Variants in FAM149A observed in about 807,000 individuals in gnomAD.
FAM149A encodes family with sequence similarity 149 member A.
Under a neutral mutation model 78.2 loss-of-function variants are expected in FAM149A, and 71 were observed. The observed-to-expected ratio is 0.91, with a 90% CI of 0.75 to 1.11. The LOEUF (loss-of-function observed/expected upper bound fraction) is 1.11, where lower values mean the gene tolerates loss of function less well. FAM149A is among the 50% of genes least tolerant of loss of function. The pLI, the probability that FAM149A is intolerant of heterozygous loss-of-function variation, is 0.00. For synonymous variants in FAM149A, 446 were observed against 410.5 expected, an observed-to-expected ratio of 1.09 and a Z score of -1.04; for missense variants, 1,036 against 971.0, an observed-to-expected ratio of 1.07 and a Z score of -0.89.
At chr4:186,170,027 G>C (rs1487700567) in intron 13 of FAM149A, 1 of 775,082 alleles carries the variant, frequency 1.3e-6, no homozygotes, top group African/African-American at 1.9e-5. Context: ...TTGGGGAGTG[G>C]GAAGGGTATG....
chr4:186,138,247 G>T (rs549996098), intron 1 of FAM149A, among the ~76,000 whole-genome samples: 1 of 151,460 alleles, frequency 6.6e-6, no homozygotes, highest in Non-Finnish European at 1.5e-5. Context: ...GTGAGTGAGT[G>T]TGTGTGTGTG....
chr4:186,106,588 T>G (rs539354520), intron 1 of FAM149A, among the ~76,000 whole-genome samples: 1 of 152,276 alleles, frequency 6.6e-6, no homozygotes, highest in Non-Finnish European at 1.5e-5. Flanking sequence ...GCATTCATAC[T>G]GATCCTGACT....
At chr4:186,116,841 A>T in intron 1 of FAM149A, 4 of 840,098 alleles carry the variant, frequency 4.8e-6, no homozygotes, top group Non-Finnish European at 5.7e-6. Flanking sequence ...TCCAACAAGC[A>T]TGGCCCTTGT....
At chr4:186,145,698 A>G (rs911065037) in intron 1 of FAM149A, among the ~76,000 whole-genome samples, 2 of 152,208 alleles carry the variant, frequency 1.3e-5, no homozygotes, top group Non-Finnish European at 2.9e-5. Flanking sequence ...AGTCCACCCT[A>G]CGAAGACCTG....
rs866090907 is a variant in FAM149A at position 186,172,993 on chromosome 4, T to C, written c.*1006T>C. On this transcript the variant is annotated 3_prime_UTR_variant, in exon 14 of 14. Coordinates refer to ENST00000389354, the MANE Select transcript of FAM149A (RefSeq NM_001367768.3). ...TCAAGTCCTTACACTCATTTTTACA[T>C]TCTCAAATCTCAAATCAGCTAATTT... 9.8e-5 allele frequency among the ~76,000 whole-genome samples: 11 copies of C among 112,244 alleles called. 5 individuals are homozygous for C. The highest frequency in any genetic ancestry group is 6.1e-4 in the Admixed American group (7 of 11,478). The allele number at this position is 112,244 out of a possible 152,430, so 73.6% of individuals were successfully genotyped here.
chr4:186,152,113 TAC>T, intron 4 of FAM149A, 68 bp downstream of exon 4: 1 of 1,459,684 alleles, frequency 6.9e-7, no homozygotes, highest in Non-Finnish European at 9.5e-7. Flanking sequence ...CCTGCCTCGA[TAC>T]ATTCAGTACA....
At chr4:186,111,667 G>T (rs62348019) in intron 1 of FAM149A, among the ~76,000 whole-genome samples, 24,062 of 148,410 alleles carry the variant, frequency 0.16, 1,655 homozygotes, top group Non-Finnish European at 0.2. Flanking sequence ...TTTCCCCATT[G>T]CTTGTTTTTC....
chr4:186,168,540 G>C (rs1042261267), intron 13 of FAM149A, among the ~76,000 whole-genome samples: 28 of 152,130 alleles, frequency 1.8e-4, no homozygotes, highest in African/African-American at 6.5e-4. Flanking sequence ...ATTTTTAGTG[G>C]AGATGAGGTT....
chr4:186,151,978 G>A lies in FAM149A; in HGVS notation c.865G>A (p.Val289Met). The change falls in exon 4 of 14, where the codon GTG (valine) becomes ATG (methionine). Residue 289 changes from valine to methionine, a missense_variant. By Grantham distance (21) the Val-to-Met change is conservative (BLOSUM62 1). Coordinates refer to ENST00000389354, the MANE Select transcript of FAM149A (RefSeq NM_001367768.3). ...GGAGGAAATGTTATTTGAAGGGAAA[G>A]TGAACCCTCAGACCCAGAGTCTGCT... 1 of 1,614,230 alleles carries A rather than the reference G, an allele frequency of 6.2e-7. No individual in the cohort carries two copies. The highest frequency in any genetic ancestry group is 8.5e-7 in the Non-Finnish European group (1 of 1,180,034).
Position 186,172,326 on chromosome 4 carries a change from A to C in FAM149A, c.*339A>C. On this transcript the variant is annotated 3_prime_UTR_variant, in exon 14 of 14. Transcript: ENST00000389354. ...TCACACACTAATTACATGTAAGAAT[A>C]TATTATCTAGGAATATGTCATTTGT... 1 of 139,412 alleles carries C rather than the reference A, an allele frequency of 7.2e-6. No individual in the cohort carries two copies. Among genetic ancestry groups the C allele is most frequent in the African/African-American group, 2.6e-5 (1 of 38,590 alleles). 8.6% of individuals were successfully genotyped at this position (139,412 alleles called of 1,614,324 possible).
intron 1 of FAM149A, among the ~76,000 whole-genome samples, chr4:186,136,962 CTT>C (rs374536279): frequency 0.068 from 7,083 of 104,772 alleles, 262 homozygotes; most frequent in Non-Finnish European, 0.079. Context: ...CTCTCTCTCT[CTT>C]TCTCTCTCTC....
At chr4:186,113,364 T>C (rs2099312142) in intron 1 of FAM149A, among the ~76,000 whole-genome samples, 1 of 104,290 alleles carries the variant, frequency 9.6e-6, no homozygotes, top group African/African-American at 3.7e-5. Flanking sequence ...TCATTAATTT[T>C]TTGAAGGGTT....
intron 3 of FAM149A, 86 bp from the exon 4 acceptor site, chr4:186,151,817 G>T: frequency 6.5e-7 from 1 of 1,536,944 alleles, no homozygotes. Context: ...CATAGTGGGT[G>T]ACAGTAAATG....
intron 1 of FAM149A, chr4:186,125,566 G>A (rs1022928687): frequency 1.2e-5 from 5 of 420,628 alleles, no homozygotes; most frequent in Non-Finnish European, 1.6e-5. Flanking sequence ...AGTGAAATAG[G>A]TTTCTCACGA....
At chr4:186,162,996 C>A in intron 9 of FAM149A, 48 bp downstream of exon 9, 2 of 1,078,762 alleles carry the variant, frequency 1.9e-6, no homozygotes, top group Non-Finnish European at 2.9e-6. Flanking sequence ...CCCTGTGCTG[C>A]AAACACTGGA....
At chr4:186,168,748 C>T (rs943313939) in intron 13 of FAM149A, among the ~76,000 whole-genome samples, 6 of 152,220 alleles carry the variant, frequency 3.9e-5, no homozygotes, top group Non-Finnish European at 8.8e-5. Context: ...CAAGTGCTCA[C>T]TCTGTGCCAA....
At chr4:186,143,719 T>A (rs4861703) in intron 1 of FAM149A, among the ~76,000 whole-genome samples, 1 of 151,848 alleles carries the variant, frequency 6.6e-6, no homozygotes, top group African/African-American at 2.4e-5. Flanking sequence ...TAGTAGAGAC[T>A]GGGGTTTCAC....
intron 1 of FAM149A, chr4:186,145,196 C>T (rs1163439218): frequency 2.1e-6 from 2 of 966,864 alleles, no homozygotes; most frequent in Non-Finnish European, 2.5e-6. Flanking sequence ...GGGCCGGCTG[C>T]GTCTGGCCCG....
intron 1 of FAM149A, chr4:186,118,178 A>G (rs936423355): frequency 9.1e-6 from 9 of 985,460 alleles, no homozygotes; most frequent in South Asian, 4.7e-5. Context: ...ATCACAAACT[A>G]TACAACAGAT....
Sources: gnomAD v4.1 joint callset for allele counts (sites outside exome capture counted in the v4.1 genomes callset) on GRCh38, gnomAD v4.1.1 for gene constraint, MANE v1.5 for transcripts, NCBI Gene and HGNC (gene_info 2026-07-23, HGNC 2026-07-21) for gene names.